The following SLC39A12 variants were observed in gnomAD, a reference collection of about 807,000 sequenced individuals.
The protein encoded by SLC39A12 is solute carrier family 39 member 12.
Under a neutral mutation model 71.1 loss-of-function variants are expected in SLC39A12, and 63 were observed. The observed-to-expected ratio is 0.89, with a 90% CI of 0.72 to 1.09. The LOEUF is 1.09. Among genes scored for constraint, SLC39A12 ranks in the 50% least tolerant of loss-of-function variants. SLC39A12 has a pLI of 0.00. For missense variants in SLC39A12, 892 were observed against 812.6 expected, an observed-to-expected ratio of 1.10 and a Z score of -1.19; for synonymous variants, 351 against 301.3, an observed-to-expected ratio of 1.16 and a Z score of -1.71.
At chr10:18,037,085 C>A (rs1022750881) in intron 12 of SLC39A12, among the ~76,000 whole-genome samples, 2 of 151,924 alleles carry the variant, frequency 1.3e-5, no homozygotes, top group African/African-American at 2.4e-5. Context: ...CCATGCCCAG[C>A]CTAAAAATTG....
chr10:17,981,042 T>C (rs1456290913), intron 5 of SLC39A12, among the ~76,000 whole-genome samples: 1 of 152,148 alleles, frequency 6.6e-6, no homozygotes, highest in Admixed American at 6.5e-5. Flanking sequence ...TAAAACACAA[T>C]GTGTCTTTCT....
intron 3 of SLC39A12, 95 bp from the exon 4 acceptor site, chr10:17,965,388 A>G (rs483822): frequency 0.68 from 725,498 of 1,060,488 alleles, 251,775 homozygotes; most frequent in African/African-American, 0.92. Flanking sequence ...TTAGAAAAAC[A>G]ATTCCTTATC....
At chr10:18,007,848 T>C (rs1193559669) in intron 12 of SLC39A12, among the ~76,000 whole-genome samples, 1 of 152,216 alleles carries the variant, frequency 6.6e-6, no homozygotes, top group African/African-American at 2.4e-5. Context: ...CAGCAAGGTC[T>C]TTATGACCTG....
intron 6 of SLC39A12, among the ~76,000 whole-genome samples, chr10:17,986,660 T>G (rs1473977666): frequency 1.3e-5 from 2 of 152,242 alleles, no homozygotes; most frequent in African/African-American, 4.8e-5. Flanking sequence ...ATTTAGACCA[T>G]AGCAAATCTG....
At chr10:17,979,351 C>G (rs1444333506) in intron 5 of SLC39A12, among the ~76,000 whole-genome samples, 1 of 152,186 alleles carries the variant, frequency 6.6e-6, no homozygotes, top group Non-Finnish European at 1.5e-5. Flanking sequence ...ACCTTACTCT[C>G]TGAGAAGGTA....
chr10:18,003,712 T>A (rs1346849682), intron 12 of SLC39A12, among the ~76,000 whole-genome samples: 4 of 152,226 alleles, frequency 2.6e-5, no homozygotes, highest in Non-Finnish European at 5.9e-5. Flanking sequence ...CTATATATGA[T>A]GCCTGTATTT....
At chr10:17,983,195 A>AAAAAG in intron 6 of SLC39A12, among the ~76,000 whole-genome samples, 1 of 129,046 alleles carries the variant, frequency 7.7e-6, no homozygotes, top group African/African-American at 2.7e-5. Flanking sequence ...AAAAAAAAAA[A>AAAAAG]AAGACTCTAG....
intron 5 of SLC39A12, among the ~76,000 whole-genome samples, chr10:17,980,544 A>G (rs1835227660): frequency 6.6e-6 from 1 of 151,130 alleles, no homozygotes; most frequent in Admixed American, 6.7e-5. Flanking sequence ...TTTGAAGTAC[A>G]CAACGTCAAC....
intron 11 of SLC39A12, 150 bp downstream of exon 11, chr10:18,000,975 G>A: frequency 2.4e-6 from 2 of 821,166 alleles, no homozygotes; most frequent in East Asian, 5.5e-5. Flanking sequence ...AGAAGAGGAG[G>A]ACTAGAAAAA....
At chr10:18,040,376 A>G (rs556345588) in intron 12 of SLC39A12, among the ~76,000 whole-genome samples, 11 of 152,296 alleles carry the variant, frequency 7.2e-5, no homozygotes, top group African/African-American at 2.6e-4. Context: ...GTGAGATGGC[A>G]GGTCATAGTA....
chr10:18,002,288 C>T (rs1436442318), intron 11 of SLC39A12: 1 of 152,030 alleles, frequency 6.6e-6, no homozygotes, highest in Non-Finnish European at 1.5e-5. Context: ...GCTCAAAGTC[C>T]TGACACTGAC....
intron 12 of SLC39A12, among the ~76,000 whole-genome samples, chr10:18,038,361 G>A (rs1589262612): frequency 6.6e-6 from 1 of 152,068 alleles, no homozygotes; most frequent in East Asian, 1.9e-4. Context: ...ATAATGGATT[G>A]GACAATTGTT....
intron 12 of SLC39A12, among the ~76,000 whole-genome samples, chr10:18,034,531 C>T (rs1275712489): frequency 2.0e-5 from 3 of 151,104 alleles, no homozygotes; most frequent in South Asian, 4.2e-4. Flanking sequence ...TATTTTGAGC[C>T]TATGTGTGTC....
At chr10:18,020,233 T>A (rs565493337) in intron 12 of SLC39A12, among the ~76,000 whole-genome samples, 1 of 152,178 alleles carries the variant, frequency 6.6e-6, no homozygotes, top group Non-Finnish European at 1.5e-5. Flanking sequence ...GGTTTTCTGT[T>A]CCTGTTTTAA....
intron 12 of SLC39A12, among the ~76,000 whole-genome samples, chr10:18,039,959 GAT>G (rs1486743284): frequency 6.6e-6 from 1 of 152,112 alleles, no homozygotes; most frequent in African/African-American, 2.4e-5. Flanking sequence ...GTAAATGAAA[GAT>G]ATTCATTCGC....
At position 17,991,154 on chromosome 10, in the gene SLC39A12, C is replaced by G; in HGVS notation, c.1273C>G (p.Leu425Val). ...DALLHLIPQV[L>V]GLHKQEAPEF... ...TTTTTTTTTTTTTCCCCTGAAGGTTCTTGGTTTACATAAGCAGGAAGCCCC... is the reference window on the plus strand; with the variant it reads ...TTTTTTTTTTTTTCCCCTGAAGGTTGTTGGTTTACATAAGCAGGAAGCCCC... The change falls in exon 8 of 13, where the codon CTT (leucine) becomes GTT (valine). Residue 425 changes from leucine (L) to valine (V), a missense_variant. Transcript: ENST00000377369. 1 of 1,313,960 alleles carries G rather than the reference C, an allele frequency of 7.6e-7. No homozygotes were observed. Among genetic ancestry groups the G allele is most frequent in the South Asian group, 1.9e-5 (1 of 53,850 alleles). 81.4% of individuals were successfully genotyped at this position (1,313,960 alleles called of 1,614,324 possible).
intron 2 of SLC39A12, among the ~76,000 whole-genome samples, chr10:17,956,979 T>C (rs1337892035): frequency 6.6e-6 from 1 of 152,160 alleles, no homozygotes; most frequent in Non-Finnish European, 1.5e-5. Context: ...TTCTCTCTTA[T>C]ATTTACAATC....
chr10:18,035,694 A>G (rs1486238420), intron 12 of SLC39A12, among the ~76,000 whole-genome samples: 1 of 152,212 alleles, frequency 6.6e-6, no homozygotes, highest in African/African-American at 2.4e-5. Context: ...CTGGTGAGGA[A>G]CTGCGTTCCG....
intron 6 of SLC39A12, among the ~76,000 whole-genome samples, chr10:17,983,747 A>G (rs2130813392): frequency 6.6e-6 from 1 of 152,226 alleles, no homozygotes; most frequent in South Asian, 2.1e-4. Context: ...GCACCATTGC[A>G]CTCCAGCCTG....
Sources: allele counts gnomAD v4.1 joint callset (sites outside exome capture counted in the v4.1 genomes callset), GRCh38; gene constraint gnomAD v4.1.1; transcripts MANE v1.5; gene names NCBI Gene and HGNC (gene_info 2026-07-23, HGNC 2026-07-21).